Variants in SLC35F4 observed in about 807,000 individuals in gnomAD.
SLC35F4 encodes chromosome 14 open reading frame 36.
SLC35F4 carries 24 observed loss-of-function variants against 44.2 expected under a neutral mutation model. That is an observed-to-expected ratio of 0.54 (90% CI 0.39 to 0.76). The LOEUF is 0.76. Among genes scored for constraint, SLC35F4 ranks in the 30% least tolerant of loss-of-function variants. SLC35F4 has a pLI of 0.00. For synonymous variants in SLC35F4, 238 were observed against 223.6 expected (o/e 1.06, Z -0.57); for missense variants, 562 against 586.1 (o/e 0.96, Z 0.42).
chr14:57,962,158 T>G lies in SLC35F4; in HGVS notation n.282+19755A>C, dbSNP rs192857722. Among the ~76,000 whole-genome samples, 201 of 152,360 alleles carry G rather than the reference T, an allele frequency of 1.3e-3. 1 individual carries two copies. The highest frequency in any genetic ancestry group is 4.7e-3 in the African/African-American group (194 of 41,590). On this transcript the variant is annotated intron_variant and non_coding_transcript_variant, in intron 1 of 1. Transcript: ENST00000556568. The stretch of plus-strand genomic sequence containing the variant: ...GTATTTTTACTTGCAGTTTAAAAAC[T>G]TCTTTGAATCTATGATTTTATCCTT...
chr14:57,891,829 T>G (rs1057418783), intron 1 of SLC35F4, among the ~76,000 whole-genome samples: 1 of 152,184 alleles, frequency 6.6e-6, no homozygotes, highest in Non-Finnish European at 1.5e-5. Context: ...TGAGCCAAGA[T>G]CATGCCACTG....
At chr14:57,777,341 A>G (rs1298958040) in intron 1 of SLC35F4, among the ~76,000 whole-genome samples, 3 of 152,374 alleles carry the variant, frequency 2.0e-5, no homozygotes, top group South Asian at 2.1e-4. Flanking sequence ...TGTTTATTGT[A>G]GCACTATTCA....
intron 1 of SLC35F4, among the ~76,000 whole-genome samples, chr14:57,861,821 G>A (rs1264909614): frequency 6.6e-6 from 1 of 152,030 alleles, no homozygotes; most frequent in East Asian, 1.9e-4. Flanking sequence ...CTCCTTTGAT[G>A]GTTTTCTTCT....
At chr14:57,920,296 C>T (rs562689963) in intron 1 of SLC35F4, among the ~76,000 whole-genome samples, 23 of 152,162 alleles carry the variant, frequency 1.5e-4, no homozygotes, top group Non-Finnish European at 2.9e-4. Flanking sequence ...AAAATCAGGC[C>T]AGTTGCAGTG....
intron 1 of SLC35F4, among the ~76,000 whole-genome samples, chr14:57,956,180 G>T (rs183949333): frequency 3.4e-4 from 51 of 152,186 alleles, no homozygotes; most frequent in African/African-American, 1.1e-3. Context: ...AACAAAACAA[G>T]AAATGGGGAA....
At chr14:57,821,746 T>G (rs1648823969) in intron 1 of SLC35F4, among the ~76,000 whole-genome samples, 1 of 152,188 alleles carries the variant, frequency 6.6e-6, no homozygotes, top group Non-Finnish European at 1.5e-5. Flanking sequence ...TCTAGTAAGT[T>G]GAAAGCCTGG....
Position 57,854,434 on chromosome 14 carries a change from T to G in SLC35F4, c.103+11289A>C, listed in dbSNP as rs553574928. On this transcript the variant is annotated intron_variant, in intron 1 of 7. Transcript: ENST00000556826. ...ATAGGCTGTCTGTTACATTTGTGGC[T>G]ACATACATAGCTAAAAAAAGAACTG... 3.3e-5 allele frequency among the ~76,000 whole-genome samples: 5 copies of G among 152,350 alleles called. No homozygotes were observed. The East Asian group carries it at 9.6e-4, about 29-fold the overall frequency.
intron 1 of SLC35F4, among the ~76,000 whole-genome samples, chr14:57,872,422 C>G (rs1375218157): frequency 2.0e-5 from 3 of 151,852 alleles, no homozygotes; most frequent in Admixed American, 2.0e-4. Context: ...CTAAAAAGAT[C>G]GCACCAAATA....
intron 1 of SLC35F4, among the ~76,000 whole-genome samples, chr14:57,830,129 G>C (rs530900557): frequency 1.1e-3 from 165 of 152,196 alleles, no homozygotes; most frequent in Non-Finnish European, 2.0e-3. Context: ...AAAAAGTAAT[G>C]GAAGTAAAAT....
chr14:57,891,778 A>G (rs1888772358), intron 1 of SLC35F4, among the ~76,000 whole-genome samples: 1 of 152,132 alleles, frequency 6.6e-6, no homozygotes, highest in African/African-American at 2.4e-5. Flanking sequence ...TGGGAGGCTG[A>G]GAAAAGAGAA....
chr14:57,905,174 G>T (rs895848144), intron 1 of SLC35F4, among the ~76,000 whole-genome samples: 9 of 152,142 alleles, frequency 5.9e-5, no homozygotes, highest in African/African-American at 1.7e-4. Flanking sequence ...TGCTACGAAG[G>T]TGACTCACTC....
At chr14:57,951,330 C>T (rs1890136195) in intron 1 of SLC35F4, among the ~76,000 whole-genome samples, 1 of 152,140 alleles carries the variant, frequency 6.6e-6, no homozygotes, top group Admixed American at 6.5e-5. Flanking sequence ...ACCACCAGGG[C>T]CCTACGTTTC....
At chr14:57,819,419 A>G (rs1254464763) in intron 1 of SLC35F4, among the ~76,000 whole-genome samples, 2 of 152,150 alleles carry the variant, frequency 1.3e-5, no homozygotes, top group Admixed American at 6.6e-5. Flanking sequence ...AAAAACTTCA[A>G]CAAAGTTGTT....
intron 3 of SLC35F4, 63 bp from the exon 4 acceptor site, chr14:57,581,496 C>G: frequency 7.1e-7 from 1 of 1,414,138 alleles, no homozygotes; most frequent in Non-Finnish European, 9.6e-7. Flanking sequence ...TCTTATCTGA[C>G]TCATCGCAGC....
At chr14:57,846,951 T>C (rs952281761) in intron 1 of SLC35F4, among the ~76,000 whole-genome samples, 1 of 152,228 alleles carries the variant, frequency 6.6e-6, no homozygotes, top group East Asian at 1.9e-4. Context: ...CAGCTAGTGC[T>C]ACTCAAAGTG....
intron 1 of SLC35F4, among the ~76,000 whole-genome samples, chr14:57,826,671 A>T (rs1883798947): frequency 6.6e-6 from 1 of 152,110 alleles, no homozygotes; most frequent in East Asian, 1.9e-4. Context: ...TAAAAGAAAA[A>T]AAAAACTAGT....
chr14:57,816,113 T>C (rs1487969697), intron 1 of SLC35F4, among the ~76,000 whole-genome samples: 1 of 152,104 alleles, frequency 6.6e-6, no homozygotes, highest in Non-Finnish European at 1.5e-5. Flanking sequence ...GAGTGGAGAG[T>C]TGCACTTCAC....
At chr14:57,922,407 C>T (rs902768652) in intron 1 of SLC35F4, among the ~76,000 whole-genome samples, 2 of 152,160 alleles carry the variant, frequency 1.3e-5, no homozygotes, top group Admixed American at 1.3e-4. Context: ...ACTACAGAAT[C>T]CTTCTCAACA....
chr14:57,766,354 T>G (rs2077233938), intron 1 of SLC35F4, among the ~76,000 whole-genome samples: 2 of 152,216 alleles, frequency 1.3e-5, no homozygotes, highest in South Asian at 4.1e-4. Context: ...GCCTGGTCAC[T>G]ACTTTGCTGT....
Sources: gnomAD v4.1 joint callset for allele counts (sites outside exome capture counted in the v4.1 genomes callset) on GRCh38, gnomAD v4.1.1 for gene constraint, MANE v1.5 for transcripts, NCBI Gene and HGNC (gene_info 2026-07-23, HGNC 2026-07-21) for gene names.